Variants in CCNJ observed in about 807,000 individuals in gnomAD.
CCNJ encodes the protein cyclin J.
Under a neutral mutation model 41.4 loss-of-function variants are expected in CCNJ, and 12 were observed. The ratio of observed to expected loss-of-function variants is 0.29; its 90% CI spans 0.19 to 0.47. The LOEUF is 0.47. Among genes scored for constraint, CCNJ ranks in the 20% least tolerant of loss-of-function variants. CCNJ has a pLI of 1.00. For missense variants in CCNJ, 340 were observed against 464.6 expected, an observed-to-expected ratio of 0.73 and a Z score of 2.47; for synonymous variants, 161 against 173.4, an observed-to-expected ratio of 0.93 and a Z score of 0.56.
intron 2 of CCNJ, among the ~76,000 whole-genome samples, chr10:96,044,909 C>T (rs1225657955): frequency 6.6e-6 from 1 of 152,158 alleles, no homozygotes; most frequent in East Asian, 1.9e-4. Flanking sequence ...TCTTGATTTC[C>T]TCATCTGTAA....
chr10:96,057,855 GCAAA>G lies in CCNJ; in HGVS notation c.773_776del (p.Lys258ArgfsTer12), dbSNP rs2080736143. ...CGCTCATGATAATGATGTGAAAGAA[GCAAA>G]CAAACAGAGAGGGCAAGCAGGACCT... On this transcript the variant is annotated frameshift_variant, in exon 6 of 6. Transcript: ENST00000465148. LOFTEE classifies it high-confidence loss of function. 1.9e-6 allele frequency: 3 copies of G among 1,614,008 alleles called. No individual in the cohort carries two copies. The highest frequency in any genetic ancestry group is 2.5e-6 in the Non-Finnish European group (3 of 1,179,964).
intron 5 of CCNJ, 76 bp from the exon 6 acceptor site, chr10:96,057,754 G>C: frequency 7.3e-7 from 1 of 1,375,992 alleles, no homozygotes; most frequent in Non-Finnish European, 1.0e-6. Flanking sequence ...TGTTGAGTTG[G>C]GGATGGGGCA....
intron 3 of CCNJ, among the ~76,000 whole-genome samples, chr10:96,054,649 A>G (rs1305683690): frequency 6.6e-6 from 1 of 152,098 alleles, no homozygotes; most frequent in African/African-American, 2.4e-5. Flanking sequence ...TTCAAACATA[A>G]ATTTTCCTTT....
At chr10:96,051,752 C>A (rs947062705) in intron 3 of CCNJ, among the ~76,000 whole-genome samples, 1 of 152,212 alleles carries the variant, frequency 6.6e-6, no homozygotes, top group Non-Finnish European at 1.5e-5. Context: ...CTAATCTCTT[C>A]TCAGATTTTA....
chr10:96,048,371 CA>C (rs1244977960), intron 2 of CCNJ, among the ~76,000 whole-genome samples: 1 of 152,188 alleles, frequency 6.6e-6, no homozygotes, highest in Non-Finnish European at 1.5e-5. Context: ...CTGTCTTCCA[CA>C]ATGGTTGAAC....
Position 96,056,980 on chromosome 10 carries a change from TC to T in CCNJ, c.562del (p.Leu188TrpfsTer11). ...KLYMAKYADY[F>X]LEVSLQDYAF... ...TACATGGCCAAATATGCAGATTACT[TC>T]CTGGAAGTATCTTTGCAAGGTGGGT... On this transcript the variant is annotated frameshift_variant, in exon 4 of 6. Transcript: ENST00000465148. LOFTEE classifies it high-confidence loss of function. 6.2e-7 allele frequency: 1 copy of T among 1,613,826 alleles called. No individual in the cohort carries two copies. The highest frequency in any genetic ancestry group is 1.1e-5 in the South Asian group (1 of 91,054).
At chr10:96,054,939 C>T (rs1466786733) in intron 3 of CCNJ, among the ~76,000 whole-genome samples, 2 of 152,180 alleles carry the variant, frequency 1.3e-5, no homozygotes, top group Non-Finnish European at 2.9e-5. Flanking sequence ...TGGCAGGGTG[C>T]TTGAAAGCTG....
chr10:96,047,358 T>A (rs564988727), intron 2 of CCNJ, among the ~76,000 whole-genome samples: 16 of 151,898 alleles, frequency 1.1e-4, no homozygotes, highest in East Asian at 1.9e-4. Context: ...AAAAAAAAAA[T>A]TTTTTTGGCC....
intron 2 of CCNJ, among the ~76,000 whole-genome samples, chr10:96,045,371 C>G (rs2080334749): frequency 6.6e-6 from 1 of 152,158 alleles, no homozygotes; most frequent in Non-Finnish European, 1.5e-5. Context: ...AGCTGACTTT[C>G]AATAAAAAGG....
rs1186372078 is a variant in CCNJ at position 96,060,809 on chromosome 10, A to AC, written c.*2570dup. ...TAGCAAGTATGGTGCTAAAGTCTAC[A>AC]CCAATGGAATTAGATGAGTGCTATG... is the stretch of plus-strand genomic sequence containing the variant. On this transcript the variant is annotated 3_prime_UTR_variant, in exon 6 of 6. Transcript: ENST00000465148. The AC allele has an allele frequency of 1.3e-5, 2 of 152,654 alleles. No individual in the cohort carries two copies. Among genetic ancestry groups the AC allele is most frequent in the African/African-American group, 4.8e-5 (2 of 41,460 alleles). 9.5% of individuals were successfully genotyped at this position (152,654 alleles called of 1,614,324 possible). A position where few individuals can be genotyped will look rare whatever the true frequency, so the allele number is the denominator to read the frequency against.
intron 3 of CCNJ, among the ~76,000 whole-genome samples, chr10:96,055,422 CA>C (rs2080654558): frequency 6.6e-6 from 1 of 152,196 alleles, no homozygotes; most frequent in Non-Finnish European, 1.5e-5. Flanking sequence ...CACCATGGAA[CA>C]AAGACCCAAA....
intron 3 of CCNJ, among the ~76,000 whole-genome samples, chr10:96,052,038 A>G (rs1430101475): frequency 6.6e-6 from 1 of 152,328 alleles, no homozygotes; most frequent in East Asian, 1.9e-4. Flanking sequence ...CTGAATATCT[A>G]CATTTCCCCT....
chr10:96,046,418 T>A (rs1342596969), intron 2 of CCNJ, among the ~76,000 whole-genome samples: 1 of 152,230 alleles, frequency 6.6e-6, no homozygotes, highest in Non-Finnish European at 1.5e-5. Context: ...AAATGGACTT[T>A]TCTCCTAGAA....
chr10:96,044,481 C>G lies in CCNJ; in HGVS notation c.69+19C>G. The G allele has an allele frequency of 6.7e-7, 1 of 1,496,492 alleles. No individual in the cohort carries two copies. The highest frequency in any genetic ancestry group is 9.0e-7 in the Non-Finnish European group (1 of 1,111,170). 92.7% of individuals were successfully genotyped at this position (1,496,492 alleles called of 1,614,324 possible). A position where few individuals can be genotyped will look rare whatever the true frequency, so the allele number is the denominator to read the frequency against. On this transcript the variant is annotated intron_variant, in intron 2 of 5. Coordinates refer to ENST00000465148, the MANE Select transcript of CCNJ (RefSeq NM_001134375.2). Reference sequence around the variant, plus strand: ...CTACAAGGTAACTCCGAGGCCCGGCCTGCCTTCTCCTTCTGTGTGTCGCGC... The same window carrying G: ...CTACAAGGTAACTCCGAGGCCCGGCGTGCCTTCTCCTTCTGTGTGTCGCGC...
Position 96,056,954 on chromosome 10 carries a change from C to G in CCNJ, c.534C>G (p.Leu178=), listed in dbSNP as rs1381320426. 1.2e-6 allele frequency: 2 copies of G among 1,614,126 alleles called. No individual in the cohort carries two copies. Among genetic ancestry groups the G allele is most frequent in the Non-Finnish European group, 8.5e-7 (1 of 1,180,024 alleles). Residue 178 remains leucine (L), a synonymous_variant, in exon 4 of 6, where the codon CTC becomes CTG. Coordinates refer to ENST00000465148, the MANE Select transcript of CCNJ (RefSeq NM_001134375.2). ...WPMICLEKTK[L]YMAKYADYFL... ...TGATTTGCTTGGAAAAGACTAAACT[C>G]TACATGGCCAAATATGCAGATTACT...
Position 96,050,472 on chromosome 10 carries a change from T to C in CCNJ, c.280+6T>C, listed in dbSNP as rs2080490123. ...TTCCTGCCTGCTTCTAGCAAGTAAGTATGAATCTGATTTACATGACTGGAA... is the reference window on the plus strand; with the variant it reads ...TTCCTGCCTGCTTCTAGCAAGTAAGCATGAATCTGATTTACATGACTGGAA... On this transcript the variant is annotated splice_donor_region_variant and intron_variant, in intron 3 of 5. Coordinates refer to ENST00000465148, the MANE Select transcript of CCNJ (RefSeq NM_001134375.2). 6.2e-7 allele frequency: 1 copy of C among 1,604,188 alleles called. No homozygotes were observed. Among genetic ancestry groups the C allele is most frequent in the Non-Finnish European group, 8.5e-7 (1 of 1,171,012 alleles).
At chr10:96,045,212 C>A (rs1280744291) in intron 2 of CCNJ, among the ~76,000 whole-genome samples, 1 of 152,188 alleles carries the variant, frequency 6.6e-6, no homozygotes, top group Non-Finnish European at 1.5e-5. Context: ...TTTTACTCTG[C>A]ATGTGGCAAG....
intron 2 of CCNJ, among the ~76,000 whole-genome samples, chr10:96,047,382 C>T (rs2080393727): frequency 6.6e-6 from 1 of 152,164 alleles, no homozygotes; most frequent in African/African-American, 2.4e-5. Context: ...CATGGTGGCT[C>T]ACACCTGTAA....
chr10:96,045,366 A>T (rs1300723968), intron 2 of CCNJ, among the ~76,000 whole-genome samples: 1 of 152,230 alleles, frequency 6.6e-6, no homozygotes, highest in Non-Finnish European at 1.5e-5. Context: ...AAAACAGCTG[A>T]CTTTCAATAA....
Sources: gnomAD v4.1 joint callset for allele counts (sites outside exome capture counted in the v4.1 genomes callset) on GRCh38, gnomAD v4.1.1 for gene constraint, MANE v1.5 for transcripts, NCBI Gene and HGNC (gene_info 2026-07-23, HGNC 2026-07-21) for gene names.